Variants in LIMCH1 observed in about 807,000 individuals in gnomAD.
The protein encoded by LIMCH1 is LIM and calponin homology domains-containing protein 1.
A neutral mutation model predicts 176.5 loss-of-function variants in LIMCH1; 113 were observed. That is an observed-to-expected ratio of 0.64 (90% CI 0.55 to 0.75). LIMCH1 has a LOEUF of 0.75. Ranked by LOEUF, LIMCH1 falls within the 30% of genes least tolerant of loss-of-function variation. The pLI, the probability that LIMCH1 is intolerant of heterozygous loss-of-function variation, is 0.00. For synonymous variants in LIMCH1, 619 were observed against 645.9 expected (o/e 0.96, Z 0.63); for missense variants, 1,674 against 1,814.9 (o/e 0.92, Z 1.41).
chr4:41,519,345 A>C (rs927009849), intron 2 of LIMCH1, among the ~76,000 whole-genome samples: 1 of 152,224 alleles, frequency 6.6e-6, no homozygotes, highest in Non-Finnish European at 1.5e-5. Context: ...TGAGTACATG[A>C]AAGAACATAT....
rs545593409 is a variant in LIMCH1, at chr4:41,363,020, C to T, written c.96+2084C>T. On this transcript the variant is annotated intron_variant, in intron 1 of 26. Transcript: ENST00000313860. ...CGTGTGCATTATTGAAGTGGCCTAT[C>T]TCCTTTCAATTGTTGGGTTCAGTTT... Among the ~76,000 whole-genome samples the T allele has an allele frequency of 2.6e-5, 4 of 152,316 alleles. No homozygotes were observed. The South Asian group carries it at 8.3e-4, about 32-fold the overall frequency.
intron 1 of LIMCH1, among the ~76,000 whole-genome samples, chr4:41,492,758 TTCTA>T (rs1244451611): frequency 6.6e-6 from 1 of 152,174 alleles, no homozygotes; most frequent in African/African-American, 2.4e-5. Flanking sequence ...CTCTGTATAG[TTCTA>T]TCTGTTTTGG....
At chr4:41,685,221 A>G (rs1219263729) in intron 27 of LIMCH1, among the ~76,000 whole-genome samples, 1 of 152,198 alleles carries the variant, frequency 6.6e-6, no homozygotes, top group East Asian at 1.9e-4. Flanking sequence ...CTTGTTGTCT[A>G]TACACATATT....
intron 1 of LIMCH1, among the ~76,000 whole-genome samples, chr4:41,480,538 C>A (rs924208678): frequency 1.3e-5 from 2 of 152,078 alleles, no homozygotes; most frequent in African/African-American, 4.8e-5. Context: ...ACCTGGGAGG[C>A]GGAGGTTGCA....
chr4:41,436,779 A>G (rs75966767), intron 1 of LIMCH1, among the ~76,000 whole-genome samples: 3,072 of 151,386 alleles, frequency 0.02, 83 homozygotes, highest in South Asian at 0.12. Context: ...CTGGGTATAT[A>G]TTGGAAGTAT....
chr4:41,467,212 TTATC>T (rs2066285609), intron 1 of LIMCH1, among the ~76,000 whole-genome samples: 1 of 149,102 alleles, frequency 6.7e-6, no homozygotes, highest in Non-Finnish European at 1.5e-5. Context: ...CACATTTTAT[TTATC>T]CATGCATCCA....
intron 1 of LIMCH1, among the ~76,000 whole-genome samples, chr4:41,475,915 A>C (rs1051364883): frequency 6.6e-6 from 1 of 152,356 alleles, no homozygotes; most frequent in South Asian, 2.1e-4. Flanking sequence ...ATTTTTAAAA[A>C]TACAATCAAG....
chr4:41,535,563 G>C (rs1222597824), upstream of LIMCH1, among the ~76,000 whole-genome samples: 3 of 152,104 alleles, frequency 2.0e-5, no homozygotes, highest in African/African-American at 7.2e-5. Flanking sequence ...GGCCCCCTCA[G>C]ATGACCTCAT....
At chr4:41,437,402 G>C (rs1361013614) in intron 1 of LIMCH1, among the ~76,000 whole-genome samples, 1 of 152,224 alleles carries the variant, frequency 6.6e-6, no homozygotes, top group Non-Finnish European at 1.5e-5. Flanking sequence ...GTTGCTGATT[G>C]AGAGTGAGAA....
At chr4:41,388,249 C>G (rs953795747) in intron 1 of LIMCH1, among the ~76,000 whole-genome samples, 6 of 152,176 alleles carry the variant, frequency 3.9e-5, no homozygotes, top group African/African-American at 1.4e-4. Flanking sequence ...GTGGAAACAG[C>G]CCAAATGTCT....
chr4:41,390,251 A>AGC (rs1247483560), intron 1 of LIMCH1, among the ~76,000 whole-genome samples: 3 of 149,982 alleles, frequency 2.0e-5, no homozygotes, highest in Non-Finnish European at 4.4e-5. Context: ...AGAGAGAGAG[A>AGC]GAGAGAGAGA....
chr4:41,673,710 G>C (rs2095125973), intron 22 of LIMCH1, among the ~76,000 whole-genome samples: 1 of 152,128 alleles, frequency 6.6e-6, no homozygotes, highest in African/African-American at 2.4e-5. Context: ...ACAAACATTT[G>C]TTGAGGGCCT....
chr4:41,511,607 T>A (rs2074934945), intron 2 of LIMCH1, among the ~76,000 whole-genome samples: 1 of 152,234 alleles, frequency 6.6e-6, no homozygotes. Flanking sequence ...GACTCACCCA[T>A]CTTTGTATGC....
chr4:41,537,412 A>G (rs955302000), upstream of LIMCH1, among the ~76,000 whole-genome samples: 1 of 152,260 alleles, frequency 6.6e-6, no homozygotes, highest in African/African-American at 2.4e-5. Context: ...ATTTTGCAGT[A>G]GCATGAACAG....
intron 26 of LIMCH1, among the ~76,000 whole-genome samples, chr4:41,683,029 G>C (rs1316454065): frequency 6.6e-6 from 1 of 152,072 alleles, no homozygotes; most frequent in Non-Finnish European, 1.5e-5. Flanking sequence ...AAGGGGGGCA[G>C]TATCAGTCTT....
At chr4:41,410,408 T>C (rs911048480) in intron 1 of LIMCH1, among the ~76,000 whole-genome samples, 3 of 152,244 alleles carry the variant, frequency 2.0e-5, no homozygotes, top group Non-Finnish European at 2.9e-5. Context: ...CTCAGTTTAC[T>C]TCTCCTGTTC....
chr4:41,454,575 G>C (rs765626739), intron 1 of LIMCH1, among the ~76,000 whole-genome samples: 1 of 152,016 alleles, frequency 6.6e-6, no homozygotes, highest in Non-Finnish European at 1.5e-5. Context: ...CACCCCTCCT[G>C]GTGTGTTTCC....
At chr4:41,574,554 G>T (rs965625087) in intron 1 of LIMCH1, among the ~76,000 whole-genome samples, 12 of 152,042 alleles carry the variant, frequency 7.9e-5, no homozygotes, top group Non-Finnish European at 1.8e-4. Context: ...CTCCCAAAGT[G>T]CTGGGACTAC....
intron 4 of LIMCH1, among the ~76,000 whole-genome samples, chr4:41,608,247 G>T (rs1400088828): frequency 1.3e-5 from 2 of 152,172 alleles, no homozygotes; most frequent in Non-Finnish European, 2.9e-5. Flanking sequence ...GAATGGCGGG[G>T]AGAAGATTCC....
Sources: allele counts gnomAD v4.1 joint callset (sites outside exome capture counted in the v4.1 genomes callset), GRCh38; gene constraint gnomAD v4.1.1; transcripts MANE v1.5; gene names NCBI Gene and HGNC (gene_info 2026-07-23, HGNC 2026-07-21).